Variants in ZNF385B observed in about 807,000 individuals in gnomAD.
The protein encoded by ZNF385B is zinc finger protein 385B.
Under a neutral mutation model 39.2 loss-of-function variants are expected in ZNF385B, and 23 were observed. That is an observed-to-expected ratio of 0.59 (90% confidence interval 0.42 to 0.83). The LOEUF is 0.83. Among genes scored for constraint, ZNF385B ranks in the 40% least tolerant of loss-of-function variants. The probability of loss-of-function intolerance (pLI) is 0.00; values close to 1 mark genes in which losing one functional copy is unlikely to be tolerated. For missense variants in ZNF385B, 552 were observed against 598.9 expected, an observed-to-expected ratio of 0.92 and a Z score of 0.82; for synonymous variants, 205 against 222.6, an observed-to-expected ratio of 0.92 and a Z score of 0.70.
At chr2:179,578,038 C>T (rs199895750) in intron 3 of ZNF385B, among the ~76,000 whole-genome samples, 1 of 152,066 alleles carries the variant, frequency 6.6e-6, no homozygotes, top group East Asian at 1.9e-4. Context: ...TAATCACTTT[C>T]CTCAACTAGT....
intron 5 of ZNF385B, among the ~76,000 whole-genome samples, chr2:179,488,301 C>T (rs532550509): frequency 3.3e-5 from 5 of 152,140 alleles, no homozygotes; most frequent in African/African-American, 7.2e-5. Flanking sequence ...TGTGCCACCA[C>T]GCCCGGCTAA....
intron 1 of ZNF385B, among the ~76,000 whole-genome samples, chr2:179,816,924 C>T (rs1307924835): frequency 6.6e-6 from 1 of 151,972 alleles, no homozygotes; most frequent in African/African-American, 2.4e-5. Context: ...GTAACAAAAT[C>T]CCAGAAGTAT....
chr2:179,516,871 T>C (rs936872978), intron 5 of ZNF385B, among the ~76,000 whole-genome samples: 1 of 149,980 alleles, frequency 6.7e-6, no homozygotes, highest in Non-Finnish European at 1.5e-5. Flanking sequence ...TAATAGTTTT[T>C]TTAAAGTTTT....
chr2:179,850,327 T>G (rs905275081), intron 1 of ZNF385B, among the ~76,000 whole-genome samples: 1 of 152,186 alleles, frequency 6.6e-6, no homozygotes, highest in African/African-American at 2.4e-5. Context: ...CTGTTATGTC[T>G]GGTGGCTGAT....
rs1409934448 is a variant in ZNF385B at position 179,530,997 on chromosome 2, C to A, written c.442-12359G>T. Reference sequence around the variant, plus strand: ...CCCAGAACCTCCCCACCCACCCAAACAAAATCCTAACTGGAAACTCAATAG... The same window carrying A: ...CCCAGAACCTCCCCACCCACCCAAAAAAAATCCTAACTGGAAACTCAATAG... On this transcript the variant is annotated intron_variant, in intron 4 of 9. Transcript: ENST00000410066. Among the ~76,000 whole-genome samples the A allele has an allele frequency of 3.3e-5, 5 of 152,040 alleles. No homozygotes were observed. The East Asian group carries it at 7.7e-4, about 24-fold the overall frequency.
intron 1 of ZNF385B, among the ~76,000 whole-genome samples, chr2:179,820,188 C>T (rs749690659): frequency 2.0e-5 from 3 of 151,828 alleles, no homozygotes; most frequent in Non-Finnish European, 4.4e-5. Context: ...TCTATAATAC[C>T]TACTTAAAAA....
chr2:179,696,326 CTTT>C (rs71029828), intron 3 of ZNF385B, among the ~76,000 whole-genome samples: 3 of 40,356 alleles, frequency 7.4e-5, no homozygotes, highest in Admixed American at 5.1e-4. Context: ...CAAACTGGGA[CTTT>C]TTTTTTTTTT....
At chr2:179,761,761 C>CTTTTTTTTTTTTTTTTT (rs34325728) in intron 3 of ZNF385B, among the ~76,000 whole-genome samples, 12 of 110,286 alleles carry the variant, frequency 1.1e-4, no homozygotes, top group Admixed American at 4.2e-4. Flanking sequence ...TTTTTCTTTT[C>CTTTTTTTTTTTTTTTTT]TTTTTTTTTT....
At chr2:179,516,318 C>T (rs188565729) in intron 5 of ZNF385B, among the ~76,000 whole-genome samples, 255 of 152,126 alleles carry the variant, frequency 1.7e-3, no homozygotes, top group African/African-American at 5.8e-3. Context: ...ATATGGGAAA[C>T]GTATGTACAA....
intron 3 of ZNF385B, among the ~76,000 whole-genome samples, chr2:179,680,652 GCTTA>G (rs1272894931): frequency 6.6e-6 from 1 of 152,106 alleles, no homozygotes; most frequent in Non-Finnish European, 1.5e-5. Flanking sequence ...TCAATATAAA[GCTTA>G]CTTAAAATAT....
chr2:179,493,400 C>G (rs962378926), intron 5 of ZNF385B, among the ~76,000 whole-genome samples: 1 of 151,012 alleles, frequency 6.6e-6, no homozygotes, highest in African/African-American at 2.4e-5. Context: ...TGTATGCATA[C>G]ATATATGTAC....
intron 3 of ZNF385B, among the ~76,000 whole-genome samples, chr2:179,651,168 T>C (rs147626732): frequency 6.6e-6 from 1 of 152,206 alleles, no homozygotes; most frequent in Non-Finnish European, 1.5e-5. Context: ...AAGGAAAATC[T>C]GGCAAAAGGG....
intron 3 of ZNF385B, among the ~76,000 whole-genome samples, chr2:179,672,842 C>T (rs1446727663): frequency 1.3e-5 from 2 of 152,158 alleles, no homozygotes; most frequent in Admixed American, 6.5e-5. Context: ...AAGTTTAAGA[C>T]ATTTTTTTGT....
intron 1 of ZNF385B, among the ~76,000 whole-genome samples, chr2:179,777,377 GA>G (rs1191912247): frequency 4.6e-5 from 7 of 151,894 alleles, no homozygotes; most frequent in African/African-American, 1.7e-4. Flanking sequence ...TTAATTTCAT[GA>G]AAAAACAATT....
At chr2:179,464,563 A>G (rs973632277) in intron 6 of ZNF385B, among the ~76,000 whole-genome samples, 3 of 152,184 alleles carry the variant, frequency 2.0e-5, no homozygotes, top group Non-Finnish European at 4.4e-5. Context: ...AGTTTTCTGC[A>G]TATGGCTAGC....
intron 1 of ZNF385B, among the ~76,000 whole-genome samples, chr2:179,855,979 T>C (rs1392821890): frequency 1.3e-5 from 2 of 152,162 alleles, no homozygotes; most frequent in Non-Finnish European, 2.9e-5. Flanking sequence ...ACTGCATTCC[T>C]AAATACCGCA....
chr2:179,837,678 A>G (rs1048681702), intron 1 of ZNF385B, among the ~76,000 whole-genome samples: 3 of 152,186 alleles, frequency 2.0e-5, no homozygotes, highest in Non-Finnish European at 2.9e-5. Context: ...TACGCATTTT[A>G]TATTTGCCCT....
At chr2:179,640,406 T>A (rs1692159901) in intron 3 of ZNF385B, among the ~76,000 whole-genome samples, 1 of 151,916 alleles carries the variant, frequency 6.6e-6, no homozygotes, top group Admixed American at 6.6e-5. Context: ...AGCATGAGTA[T>A]ATACGCATAT....
Position 179,442,262 on chromosome 2 carries a change from C to G in ZNF385B, c.*988G>C, listed in dbSNP as rs1379228198. On this transcript the variant is annotated 3_prime_UTR_variant, in exon 10 of 10. Transcript: ENST00000410066. ...TGTACATTATTGCATTAGGGAGCCA[C>G]AAAATTATGTAGCATCATTACAAAT... The G allele has an allele frequency of 6.6e-6, 1 of 152,484 alleles. No homozygotes were observed. Among genetic ancestry groups the G allele is most frequent in the Admixed American group, 6.6e-5 (1 of 15,266 alleles). 9.4% of individuals were successfully genotyped at this position (152,484 alleles called of 1,614,324 possible). A position where few individuals can be genotyped will look rare whatever the true frequency, so the allele number is the denominator to read the frequency against.
Sources: gnomAD v4.1 joint callset for allele counts (sites outside exome capture counted in the v4.1 genomes callset) on GRCh38, gnomAD v4.1.1 for gene constraint, MANE v1.5 for transcripts, NCBI Gene and HGNC (gene_info 2026-07-23, HGNC 2026-07-21) for gene names.